The following SLC4A2 variants were observed in gnomAD, a reference collection of about 807,000 sequenced individuals.
SLC4A2 encodes the protein anion exchange protein 2.
Under a neutral mutation model 115.0 loss-of-function variants are expected in SLC4A2, and 36 were observed. The ratio of observed to expected loss-of-function variants is 0.31; its 90% CI spans 0.24 to 0.41. SLC4A2 has a LOEUF of 0.41. Among genes scored for constraint, SLC4A2 ranks in the 10% least tolerant of loss-of-function variants. The probability of loss-of-function intolerance (pLI) is 1.00; values close to 1 mark genes in which losing one functional copy is unlikely to be tolerated. For missense variants in SLC4A2, 1,252 were observed against 1,705.6 expected (o/e 0.73, Z 4.68); for synonymous variants, 708 against 708.3 (o/e 1.00, Z 0.01).
At chr7:151,066,413 C>T (rs1797232794) in intron 5 of SLC4A2, 104 bp from the exon 6 acceptor site, 4 of 1,346,444 alleles carry the variant, frequency 3.0e-6, no homozygotes, top group Non-Finnish European at 2.9e-6. Flanking sequence ...CTAGGAGGGC[C>T]TGGAGTCCGA....
At chr7:151,063,469 C>T (rs1365371679) in intron 2 of SLC4A2, among the ~76,000 whole-genome samples, 1 of 152,182 alleles carries the variant, frequency 6.6e-6, no homozygotes, top group East Asian at 1.9e-4. Context: ...CTCCAGGCTG[C>T]AGATGGGCTG....
At position 151,066,528 on chromosome 7, in the gene SLC4A2, AGGAGGCGGAGGC is replaced by A. The variant is rs150330052; in HGVS notation, c.599_610del (p.Glu200_Ala203del). 5.9e-6 allele frequency: 9 copies of A among 1,524,606 alleles called. No individual in the cohort carries two copies. Among genetic ancestry groups the A allele is most frequent in the Non-Finnish European group, 4.4e-6 (5 of 1,135,924 alleles). The allele number at this position is 1,524,606 out of a possible 1,614,324, so 94.4% of individuals were successfully genotyped here. On this transcript the variant is annotated inframe_deletion, in exon 6 of 23. Transcript: ENST00000413384. ...TTCTGTCTGCCTAGAACCCAGGTGG[AGGAGGCGGAGGC>A]GGAGGCGGTGGCGGTGGCCAGTGGC...
At position 151,074,116 on chromosome 7, in the gene SLC4A2, G is replaced by C. The variant is rs774031055; in HGVS notation, c.2613G>C (p.Trp871Cys). 6.2e-7 allele frequency: 1 copy of C among 1,611,998 alleles called. No individual in the cohort carries two copies. The highest frequency in any genetic ancestry group is 1.1e-5 in the South Asian group (1 of 90,976). Reference protein sequence around the residue: ...SEVDGGENMTWAGARPTLGPG... With the variant: ...SEVDGGENMTCAGARPTLGPG... ...TGGACGGCGGTGAGAACATGACATG[G>C]GCCGGGGCAAGACCCACGCTGGGGC... Residue 871 changes from tryptophan to cysteine, a missense_variant, in exon 17 of 23, where the codon TGG becomes TGC. Transcript: ENST00000413384.
rs745528460 is a variant in SLC4A2, at chr7:151,075,346, G to A, written c.3139G>A (p.Ala1047Thr). Residue 1047 changes from alanine to threonine, a missense_variant, in exon 20 of 23, where the codon GCC (alanine) becomes ACC (threonine). By Grantham distance (58) the Ala-to-Thr change is moderately conservative. Transcript: ENST00000413384. Reference sequence around the variant, plus strand: ...CATCGTGGCCATGGGCGGCATCTGTGCCCTCTTTGGCCTGCCCTGGTTGGC... The same window carrying A: ...CATCGTGGCCATGGGCGGCATCTGTACCCTCTTTGGCCTGCCCTGGTTGGC... ...LLIVAMGGIC[A>T]LFGLPWLAAA... 8 of 1,612,870 alleles carry A rather than the reference G, an allele frequency of 5.0e-6. No individual in the cohort carries two copies. Among genetic ancestry groups the A allele is most frequent in the Non-Finnish European group, 5.1e-6 (6 of 1,180,022 alleles).
Position 151,076,227 on chromosome 7 carries a change from C to A in SLC4A2, c.3645+41C>A, listed in dbSNP as rs555867635. The A allele has an allele frequency of 1.1e-5, 18 of 1,605,996 alleles. No individual in the cohort carries two copies. The African/African-American group carries it at 2.3e-4, about 20-fold the overall frequency. ...TGCCTCCCCCGGTTCCTCTTGCCTC[C>A]CTGTGGATCTGGAAAGGCCCCCCCA... is the stretch of plus-strand genomic sequence containing the variant. On this transcript the variant is annotated intron_variant, in intron 22 of 22. Coordinates refer to ENST00000413384, the MANE Select transcript of SLC4A2 (RefSeq NM_003040.4).
In SLC4A2 at chr7:151,066,868, G is replaced by A. The variant is rs1340748095; in HGVS notation, c.841G>A (p.Val281Ile). Residue 281 changes from valine (V) to isoleucine (I), a missense_variant, in exon 7 of 23, where the codon GTT becomes ATT. Val to Ile is a conservative substitution (Grantham distance 29). Transcript: ENST00000413384. ...CCCCACAGGTCACCGGTTTGAGGAC[G>A]TTCCTGGGGTGCGGCGGCACTTGGT... ...DLMKSHRFEDVPGVRRHLVRK... is the reference protein window; with the variant it reads ...DLMKSHRFEDIPGVRRHLVRK... 8.7e-6 allele frequency: 14 copies of A among 1,613,132 alleles called. No homozygotes were observed. The highest frequency in any genetic ancestry group is 1.1e-5 in the Non-Finnish European group (13 of 1,179,634).
chr7:151,066,611 A>C lies in SLC4A2; in HGVS notation c.673A>C (p.Lys225Gln). 1 of 1,549,154 alleles carries C rather than the reference A, an allele frequency of 6.5e-7. No individual in the cohort carries two copies. Among genetic ancestry groups the C allele is most frequent in the Non-Finnish European group, 8.7e-7 (1 of 1,146,798 alleles). ...DGGASGRPLP[K>Q]AQPGHRSYNL... ...GGGTGCCTCGGGGCGCCCCCTGCCC[A>C]AAGCCCAGCCTGGGCACCGCAGCTA... Residue 225 changes from lysine to glutamine, a missense_variant, in exon 6 of 23, where the codon AAA (lysine) becomes CAA (glutamine). Around this residue, in one of 14 missense-constraint regions of SLC4A2, gnomAD observed 215 missense variants for 205.2 expected, o/e 1.05. Coordinates refer to ENST00000413384, the MANE Select transcript of SLC4A2 (RefSeq NM_003040.4).
chr7:151,070,392 A>G, intron 10 of SLC4A2, 46 bp downstream of exon 10: 1 of 1,610,850 alleles, frequency 6.2e-7, no homozygotes, highest in Non-Finnish European at 8.5e-7. Flanking sequence ...AGGGCTGAGG[A>G]AGCCTGGGTG....
chr7:151,065,452 A>G (rs1797196639), intron 5 of SLC4A2, among the ~76,000 whole-genome samples: 1 of 152,184 alleles, frequency 6.6e-6, no homozygotes, highest in South Asian at 2.1e-4. Context: ...ATCATGTGAG[A>G]TGGCATCAGC....
rs368947791 is a variant in SLC4A2 at position 151,076,309 on chromosome 7, C to G, written c.3668C>G (p.Pro1223Arg). The G allele has an allele frequency of 6.5e-6, 10 of 1,549,142 alleles. No individual in the cohort carries two copies. Among genetic ancestry groups the G allele is most frequent in the Non-Finnish European group, 8.7e-6 (10 of 1,145,202 alleles). ...MKCLDANEAE[P>R]VFDEREGVDE... ...CAGCTGGATGCTAACGAGGCAGAGCCGGTGTTTGATGAGCGGGAGGGTGTG... is the reference window on the plus strand; with the variant it reads ...CAGCTGGATGCTAACGAGGCAGAGCGGGTGTTTGATGAGCGGGAGGGTGTG... The change falls in exon 23 of 23, where the codon CCG becomes CGG. Residue 1223 changes from proline to arginine, a missense_variant. By Grantham distance (103) the Pro-to-Arg change is moderately radical. Transcript: ENST00000413384.
rs139095314 is a variant in SLC4A2 at position 151,066,959 on chromosome 7, G to A, written c.932G>A (p.Arg311Gln). 1,716 of 1,609,382 alleles carry A rather than the reference G, an allele frequency of 1.1e-3. 3 individuals are homozygous for A. The highest frequency in any genetic ancestry group is 1.3e-3 in the Non-Finnish European group (1,533 of 1,178,618). Residue 311 changes from arginine to glutamine, a missense_variant, in exon 7 of 23, where the codon CGG becomes CAG. Physicochemically the swap from Arg to Gln is conservative, Grantham distance 43. This residue lies in a region of SLC4A2 where 48 missense variants were observed against 44.4 expected (regional missense o/e 1.08). Coordinates refer to ENST00000413384, the MANE Select transcript of SLC4A2 (RefSeq NM_003040.4). ...REGREPGPTP[R>Q]ARPRAPHKPH... is the part of the protein sequence containing the mutation. ...GGGCGGGAGCCTGGCCCCACACCTC[G>A]GGCCCGACCCCGGGCCCCCCACAAG...
intron 8 of SLC4A2, among the ~76,000 whole-genome samples, chr7:151,068,537 C>T (rs1057101496): frequency 4.0e-5 from 6 of 151,242 alleles, no homozygotes; most frequent in South Asian, 2.1e-4. Context: ...TTTTTTTTTT[C>T]GAGACAGGAT....
chr7:151,064,661 C>G lies in SLC4A2; in HGVS notation c.353C>G (p.Thr118Ser), dbSNP rs1352968731. ...CCGGGAGCCTCCCCGACTGGAGAAACCCCGACCATTGAGGAGGGGGAGGAA... is the reference window on the plus strand; with the variant it reads ...CCGGGAGCCTCCCCGACTGGAGAAAGCCCGACCATTGAGGAGGGGGAGGAA... Reference protein sequence around the residue: ...RRPGASPTGETPTIEEGEEDE... With the variant: ...RRPGASPTGESPTIEEGEEDE... Residue 118 changes from threonine (T) to serine (S), a missense_variant, in exon 4 of 23, where the codon ACC becomes AGC. Thr to Ser is a moderately conservative substitution (Grantham distance 58). This residue lies in a region of SLC4A2 where 215 missense variants were observed against 205.2 expected (regional missense o/e 1.05). Coordinates refer to ENST00000413384, the MANE Select transcript of SLC4A2 (RefSeq NM_003040.4). 6.2e-7 allele frequency: 1 copy of G among 1,613,790 alleles called. No individual in the cohort carries two copies. Among genetic ancestry groups the G allele is most frequent in the African/African-American group, 1.3e-5 (1 of 75,026 alleles).
At position 151,060,406 on chromosome 7, in the gene SLC4A2, C is replaced by T. The variant is rs571334080; in HGVS notation, c.-64+644C>T. 6.6e-6 allele frequency among the ~76,000 whole-genome samples: 1 copy of T among 152,284 alleles called. No homozygotes were observed. Among genetic ancestry groups the T allele is most frequent in the East Asian group, 1.9e-4 (1 of 5,186 alleles). Reference sequence around the variant, plus strand: ...CCGCCAGCCCCACATGGAAGAGCTGCGGAATTTACGAGTTCACTTGGGGGG... The same window carrying T: ...CCGCCAGCCCCACATGGAAGAGCTGTGGAATTTACGAGTTCACTTGGGGGG... On this transcript the variant is annotated intron_variant, in intron 1 of 22. Transcript: ENST00000413384. This position sits in a 1 kb window ranked among gnomAD's most constrained non-coding sequence, Gnocchi z 5.9.
At chr7:151,062,403 C>T (rs1259028035) in intron 2 of SLC4A2, 2 of 733,238 alleles carry the variant, frequency 2.7e-6, no homozygotes, top group Admixed American at 6.6e-5. Flanking sequence ...GGGCGGAGCT[C>T]GCCTGCCACG....
chr7:151,061,712 G>A (rs1057500844), intron 1 of SLC4A2: 3 of 462,166 alleles, frequency 6.5e-6, no homozygotes, highest in South Asian at 4.0e-5. Context: ...TCAGCCTCTC[G>A]GCCCTTTTCG....
In SLC4A2 at chr7:151,074,199, A is replaced by C; in HGVS notation, c.2696A>C (p.Asn899Thr). ...CAGGGGAAGCCCCGGGGCCAGCCCAACACGGCCCTGCTGTCGCTGGTGCTC... is the reference window on the plus strand; with the variant it reads ...CAGGGGAAGCCCCGGGGCCAGCCCACCACGGCCCTGCTGTCGCTGGTGCTC... ...SGQGKPRGQPNTALLSLVLMA... is the reference protein window; with the variant it reads ...SGQGKPRGQPTTALLSLVLMA... The change falls in exon 17 of 23, where the codon AAC becomes ACC. Residue 899 changes from asparagine to threonine, a missense_variant. Asn to Thr is a moderately conservative substitution (Grantham distance 65). This residue lies in a region of SLC4A2 where 55 missense variants were observed against 48.6 expected (regional missense o/e 1.13). Coordinates refer to ENST00000413384, the MANE Select transcript of SLC4A2 (RefSeq NM_003040.4). 6.2e-7 allele frequency: 1 copy of C among 1,613,108 alleles called. No individual in the cohort carries two copies. Among genetic ancestry groups the C allele is most frequent in the East Asian group, 2.2e-5 (1 of 44,888 alleles).
Position 151,066,576 on chromosome 7 carries a change from G to A in SLC4A2, c.638G>A (p.Gly213Asp), listed in dbSNP as rs201747636. Residue 213 changes from glycine (G) to aspartate (D), a missense_variant, in exon 6 of 23, where the codon GGT (glycine) becomes GAT (aspartate). This residue lies in a region of SLC4A2 where 215 missense variants were observed against 205.2 expected (regional missense o/e 1.05). Transcript: ENST00000413384. ...AVAVASGTAG[G>D]DDGGASGRPL... Reference sequence around the variant, plus strand: ...GCGGTGGCCAGTGGCACTGCAGGGGGTGACGACGGGGGTGCCTCGGGGCGC... The same window carrying A: ...GCGGTGGCCAGTGGCACTGCAGGGGATGACGACGGGGGTGCCTCGGGGCGC... 3.9e-6 allele frequency: 6 copies of A among 1,546,618 alleles called. No homozygotes were observed. The highest frequency in any genetic ancestry group is 5.2e-6 in the Non-Finnish European group (6 of 1,145,750).
intron 5 of SLC4A2, among the ~76,000 whole-genome samples, chr7:151,065,378 G>A (rs1375833931): frequency 2.6e-5 from 4 of 152,280 alleles, no homozygotes; most frequent in African/African-American, 9.6e-5. Context: ...CAGGGTTCAA[G>A]AGGCAAAGGA....
Sources: gnomAD v4.1 joint callset for allele counts (sites outside exome capture counted in the v4.1 genomes callset) on GRCh38, gnomAD v4.1.1 for gene constraint, gnomAD v4.1.1 regional missense constraint, Gnocchi (gnomAD v3.1) non-coding constraint, MANE v1.5 for transcripts, NCBI Gene and HGNC (gene_info 2026-07-23, HGNC 2026-07-21) for gene names.